The following IFT74 variants were observed in gnomAD, a reference collection of about 807,000 sequenced individuals.
IFT74 encodes intraflagellar transport protein 74 homolog.
IFT74 carries 92 observed loss-of-function variants against 96.7 expected under a neutral mutation model. That is an observed-to-expected ratio of 0.95 (90% confidence interval 0.80 to 1.13). IFT74 has a LOEUF of 1.13. Among genes scored for constraint, IFT74 ranks in the 50% most tolerant of loss-of-function variants. The pLI is 0.00. For synonymous variants in IFT74, 223 were observed against 213.2 expected (o/e 1.05, Z -0.40); for missense variants, 811 against 698.2 (o/e 1.16, Z -1.82).
At chr9:26,961,583 A>G (rs2131478505) in intron 1 of IFT74, among the ~76,000 whole-genome samples, 1 of 152,338 alleles carries the variant, frequency 6.6e-6, no homozygotes, top group South Asian at 2.1e-4. Flanking sequence ...AACAAGATTC[A>G]GAATATAAGA....
At position 27,003,159 on chromosome 9, in the gene IFT74, T is replaced by C. The variant is rs1275746985; in HGVS notation, c.588-5861T>C. On this transcript the variant is annotated intron_variant, in intron 8 of 19. Coordinates refer to ENST00000380062, the MANE Select transcript of IFT74 (RefSeq NM_025103.4). ...TTTTATATCTTGCAACTTTACTGAA[T>C]TCAGTTGTCAGTTTTTACAGATTTT... Among the ~76,000 whole-genome samples, 4 of 152,346 alleles carry C rather than the reference T, an allele frequency of 2.6e-5. No homozygotes were observed. The South Asian group carries it at 6.2e-4, about 24-fold the overall frequency.
chr9:26,969,952 TTTTTG>T (rs1352522089), intron 2 of IFT74, among the ~76,000 whole-genome samples: 1 of 152,074 alleles, frequency 6.6e-6, no homozygotes, highest in Non-Finnish European at 1.5e-5. Context: ...GCTGACAATT[TTTTTG>T]TTTTGTTTTG....
intron 14 of IFT74, among the ~76,000 whole-genome samples, 170 bp from the exon 15 acceptor site, chr9:27,047,104 G>A (rs1178711779): frequency 1.3e-5 from 2 of 152,156 alleles, no homozygotes; most frequent in African/African-American, 4.8e-5. Context: ...ACCCAGAGGT[G>A]GAGGTTGCAG....
chr9:26,977,939 A>G (rs1814744642), intron 2 of IFT74, among the ~76,000 whole-genome samples, 189 bp from the exon 3 acceptor site: 1 of 152,280 alleles, frequency 6.6e-6, no homozygotes, highest in Admixed American at 6.5e-5. Context: ...ATAGAACATT[A>G]AATGTTAAAG....
chr9:27,011,839 C>T (rs1829093974), intron 9 of IFT74, 67 bp from the exon 10 acceptor site: 3 of 982,648 alleles, frequency 3.1e-6, no homozygotes, highest in Non-Finnish European at 4.3e-6. Flanking sequence ...CCAGCTCCCT[C>T]CCCCCACTAC....
At chr9:26,947,137 G>A (rs1364075601) in exon 1 of IFT74, 4 of 1,370,216 alleles carry the variant, frequency 2.9e-6, no homozygotes, top group African/African-American at 1.5e-5. Context: ...GGCGGGAGAA[G>A]AGCCTGCAGG....
intron 12 of IFT74, among the ~76,000 whole-genome samples, chr9:27,025,337 G>T (rs1829807993): frequency 6.6e-6 from 1 of 151,586 alleles, no homozygotes; most frequent in African/African-American, 2.4e-5. Flanking sequence ...CAGCAACTTG[G>T]GAGGCTAAGG....
At chr9:26,997,796 T>G in intron 8 of IFT74, 1 of 1,613,998 alleles carries the variant, frequency 6.2e-7, no homozygotes, top group Non-Finnish European at 8.5e-7. Context: ...GTTCCATAGG[T>G]TTCCATATAA....
intron 8 of IFT74, among the ~76,000 whole-genome samples, chr9:26,991,446 C>T (rs1380650495): frequency 6.6e-6 from 1 of 152,092 alleles, no homozygotes; most frequent in Non-Finnish European, 1.5e-5. Flanking sequence ...TCTCAAACTC[C>T]TGGTCTCAAG....
intron 17 of IFT74, among the ~76,000 whole-genome samples, 188 bp from the exon 18 acceptor site, chr9:27,056,146 A>G (rs537006902): frequency 3.0e-4 from 46 of 151,962 alleles, no homozygotes; most frequent in African/African-American, 7.5e-4. Context: ...GCATTAATAG[A>G]GTTATTAATA....
At chr9:26,955,069 T>C (rs1826037388), upstream of IFT74, among the ~76,000 whole-genome samples, 1 of 152,200 alleles carries the variant, frequency 6.6e-6, no homozygotes, top group Admixed American at 6.5e-5. Context: ...ATAGTATCTG[T>C]CCTGCCAATT....
At chr9:27,062,524 A>G (rs1271479882) in intron 19 of IFT74, 94 bp from the exon 20 acceptor site, 3 of 676,104 alleles carry the variant, frequency 4.4e-6, no homozygotes, top group Admixed American at 2.7e-5. Flanking sequence ...TTTTTGTACC[A>G]TCTTCAGTAT....
chr9:26,978,015 T>C, intron 2 of IFT74, 113 bp from the exon 3 acceptor site: 1 of 813,326 alleles, frequency 1.2e-6, no homozygotes, highest in South Asian at 2.2e-5. Flanking sequence ...AGGAAATTTT[T>C]ACAAATCAAG....
chr9:27,031,143 A>C (rs1267849471), intron 13 of IFT74, among the ~76,000 whole-genome samples: 1 of 152,150 alleles, frequency 6.6e-6, no homozygotes, highest in African/African-American at 2.4e-5. Flanking sequence ...CTACAGGTCC[A>C]TGTTACTGTG....
chr9:26,995,866 A>G (rs970094517), intron 8 of IFT74: 1 of 1,540,840 alleles, frequency 6.5e-7, no homozygotes, highest in Non-Finnish European at 8.7e-7. Flanking sequence ...TGGAATACCA[A>G]GAGAGGAGAG....
rs71841244 is a variant in IFT74 at position 26,948,448 on chromosome 9, A to ATTTTTTTTTTTTTTTTT, written c.-20+1326_-20+1342dup. ...TGACAACCTGTGATGGCTTTCCATT[A>ATTTTTTTTTTTTTTTTT]TTTTTTTTTTTTTTTTTTTTTTTTT... On this transcript the variant is annotated intron_variant, in intron 1 of 19. Coordinates refer to the IFT74 transcript ENST00000433700. Among the ~76,000 whole-genome samples the ATTTTTTTTTTTTTTTTT allele has an allele frequency of 3.7e-4, 22 of 59,158 alleles. 3 individuals are homozygous for ATTTTTTTTTTTTTTTTT. Among genetic ancestry groups the ATTTTTTTTTTTTTTTTT allele is most frequent in the South Asian group, 6.2e-4 (1 of 1,616 alleles). The allele number at this position is 59,158 out of a possible 152,430, so 38.8% of individuals were successfully genotyped here. A position where few individuals can be genotyped will look rare whatever the true frequency, so the allele number is the denominator to read the frequency against.
intron 2 of IFT74, among the ~76,000 whole-genome samples, chr9:26,966,881 T>C (rs1826642316): frequency 6.6e-6 from 1 of 152,058 alleles, no homozygotes; most frequent in Non-Finnish European, 1.5e-5. Context: ...TTCTTTTGTC[T>C]ATGGATATCC....
intron 5 of IFT74, 31 bp from the exon 6 acceptor site, chr9:26,984,468 A>G (rs780373620): frequency 1.3e-6 from 2 of 1,597,580 alleles, no homozygotes; most frequent in East Asian, 2.2e-5. Flanking sequence ...TTATGTACAT[A>G]TTTATGAATG....
chr9:27,048,992 A>C (rs924240417), intron 16 of IFT74, among the ~76,000 whole-genome samples: 2 of 152,134 alleles, frequency 1.3e-5, no homozygotes, highest in African/African-American at 4.8e-5. Flanking sequence ...TGAATGGCTC[A>C]GTGTCATCCT....
Sources: allele counts gnomAD v4.1 joint callset (sites outside exome capture counted in the v4.1 genomes callset), GRCh38; gene constraint gnomAD v4.1.1; transcripts MANE v1.5; gene names NCBI Gene and HGNC (gene_info 2026-07-23, HGNC 2026-07-21).